The following SPAG16 variants were observed in gnomAD, a reference collection of about 807,000 sequenced individuals.
The protein encoded by SPAG16 is sperm-associated antigen 16 protein.
A neutral mutation model predicts 80.4 loss-of-function variants in SPAG16; 86 were observed. The ratio of observed to expected loss-of-function variants is 1.07; its 90% CI spans 0.90 to 1.28. The LOEUF is 1.28. Among genes scored for constraint, SPAG16 ranks in the 50% most tolerant of loss-of-function variants. SPAG16 has a pLI of 0.00. For synonymous variants in SPAG16, 294 were observed against 265.9 expected (o/e 1.11, Z -1.03); for missense variants, 870 against 765.3 (o/e 1.14, Z -1.61).
intron 10 of SPAG16, among the ~76,000 whole-genome samples, chr2:213,547,889 T>C (rs1319757508): frequency 6.6e-6 from 1 of 152,236 alleles, no homozygotes; most frequent in Non-Finnish European, 1.5e-5. Flanking sequence ...TCTAAAGTTC[T>C]TTCTAAATTG....
At chr2:214,070,676 T>C (rs940209003) in intron 13 of SPAG16, among the ~76,000 whole-genome samples, 9 of 152,068 alleles carry the variant, frequency 5.9e-5, no homozygotes, top group African/African-American at 1.9e-4. Flanking sequence ...TCTTTTGATA[T>C]ATCAATATAC....
In SPAG16 at chr2:213,352,438, TG is replaced by T. The variant is rs556895369; in HGVS notation, c.762+1796del. On this transcript the variant is annotated intron_variant, in intron 7 of 15. Transcript: ENST00000331683. ...ATCTCTTCCTATTTCCTATTCCAGA[TG>T]GGCCAAGCTTAAGCTTTTGCTACCC... Among the ~76,000 whole-genome samples the T allele has an allele frequency of 9.8e-5, 15 of 152,288 alleles. No homozygotes were observed. The South Asian group carries it at 3.1e-3, about 32-fold the overall frequency.
intron 10 of SPAG16, among the ~76,000 whole-genome samples, chr2:213,796,052 A>G (rs565739641): frequency 6.6e-6 from 1 of 152,318 alleles, no homozygotes; most frequent in East Asian, 1.9e-4. Flanking sequence ...TTTGGAGGAT[A>G]CGATATATCT....
intron 15 of SPAG16, among the ~76,000 whole-genome samples, chr2:214,163,566 A>C (rs2056531996): frequency 1.5e-5 from 2 of 134,766 alleles, no homozygotes; most frequent in African/African-American, 4.9e-5. Context: ...GTCTGTGTAT[A>C]TGTGTGTGTG....
At chr2:214,222,110 CTT>C (rs10694178) in intron 15 of SPAG16, among the ~76,000 whole-genome samples, 575 of 103,578 alleles carry the variant, frequency 5.6e-3, no homozygotes, top group African/African-American at 0.018. Context: ...CCTTGCTATT[CTT>C]TTTTTTTTTT....
chr2:213,596,554 T>C (rs551373136), intron 10 of SPAG16, among the ~76,000 whole-genome samples: 4 of 152,276 alleles, frequency 2.6e-5, no homozygotes, highest in South Asian at 4.1e-4. Context: ...AAACAAATTT[T>C]CAAATAAAAA....
At chr2:214,368,195 G>A (rs191509496) in intron 15 of SPAG16, among the ~76,000 whole-genome samples, 1 of 152,146 alleles carries the variant, frequency 6.6e-6, no homozygotes, top group East Asian at 1.9e-4. Flanking sequence ...CATCGCACTA[G>A]TTATATGTTT....
intron 11 of SPAG16, among the ~76,000 whole-genome samples, chr2:213,895,372 C>T (rs1206585678): frequency 6.6e-6 from 1 of 151,878 alleles, no homozygotes; most frequent in Non-Finnish European, 1.5e-5. Flanking sequence ...TCAATGCAAT[C>T]CCTATCAAAA....
chr2:213,988,080 T>A (rs2046106278), intron 12 of SPAG16, among the ~76,000 whole-genome samples: 1 of 151,940 alleles, frequency 6.6e-6, no homozygotes, highest in Non-Finnish European at 1.5e-5. Flanking sequence ...TACTGTAAGA[T>A]AGATAAATAA....
At chr2:213,986,223 C>T (rs1423317412) in intron 12 of SPAG16, among the ~76,000 whole-genome samples, 2 of 151,936 alleles carry the variant, frequency 1.3e-5, no homozygotes. Context: ...GCCCAGCGTC[C>T]AGGAAGGCAT....
chr2:213,692,810 G>GAA (rs747223234), intron 10 of SPAG16, among the ~76,000 whole-genome samples: 7 of 86,192 alleles, frequency 8.1e-5, no homozygotes, highest in South Asian at 3.6e-4. Context: ...ACTCGGTCTC[G>GAA]AAAAAAAAAA....
Position 214,410,204 on chromosome 2 carries a change from G to T in SPAG16, c.1785G>T (p.Glu595Asp). The part of the protein sequence containing the change: ...VIHLLDLKSG[E>D]IHKLMGHENE... ...ATTTGCTAGATCTTAAATCTGGGGA[G>T]ATTCACAAATTGATGGGCCACGAAA... The change falls in exon 16 of 16, where the codon GAG becomes GAT. Residue 595 changes from glutamate to aspartate, a missense_variant. Physicochemically the swap from Glu to Asp is conservative, Grantham distance 45. Coordinates refer to ENST00000331683, the MANE Select transcript of SPAG16 (RefSeq NM_024532.5). 2.5e-6 allele frequency: 4 copies of T among 1,613,672 alleles called. No individual in the cohort carries two copies. The highest frequency in any genetic ancestry group is 3.4e-6 in the Non-Finnish European group (4 of 1,179,622).
chr2:214,274,989 A>G (rs531342560), intron 15 of SPAG16, among the ~76,000 whole-genome samples: 3 of 152,248 alleles, frequency 2.0e-5, no homozygotes, highest in South Asian at 4.1e-4. Context: ...TGATTGGTGT[A>G]TTCAGAGATT....
At chr2:214,364,044 A>G (rs930271586) in intron 15 of SPAG16, among the ~76,000 whole-genome samples, 2 of 152,042 alleles carry the variant, frequency 1.3e-5, no homozygotes, top group Admixed American at 6.6e-5. Flanking sequence ...AATTTGACTA[A>G]TGGGTTCACC....
intron 10 of SPAG16, among the ~76,000 whole-genome samples, chr2:213,813,496 C>G (rs2072309534): frequency 6.6e-6 from 1 of 152,080 alleles, no homozygotes; most frequent in Non-Finnish European, 1.5e-5. Flanking sequence ...ACATGCTTGT[C>G]ACACCCACCT....
At chr2:213,704,121 AAGAC>A (rs1306629306) in intron 10 of SPAG16, among the ~76,000 whole-genome samples, 1 of 152,190 alleles carries the variant, frequency 6.6e-6, no homozygotes, top group African/African-American at 2.4e-5. Flanking sequence ...TATCATCAGA[AAGAC>A]AATCATGCAC....
intron 12 of SPAG16, among the ~76,000 whole-genome samples, chr2:213,955,410 A>G (rs960441115): frequency 2.6e-5 from 4 of 152,160 alleles, no homozygotes; most frequent in Admixed American, 6.5e-5. Context: ...CACTTGTTCA[A>G]ACTTTAGTTG....
At chr2:214,311,320 G>A (rs1559202988) in intron 15 of SPAG16, among the ~76,000 whole-genome samples, 2 of 152,150 alleles carry the variant, frequency 1.3e-5, no homozygotes, top group African/African-American at 4.8e-5. Flanking sequence ...GGTTCCCTGG[G>A]TAGGTTAATG....
chr2:213,534,762 T>C (rs917823922), intron 10 of SPAG16, among the ~76,000 whole-genome samples: 2 of 152,108 alleles, frequency 1.3e-5, no homozygotes, highest in African/African-American at 4.8e-5. Flanking sequence ...GACACATTTA[T>C]TTGTCACAAA....
Sources: allele counts gnomAD v4.1 joint callset (sites outside exome capture counted in the v4.1 genomes callset), GRCh38; gene constraint gnomAD v4.1.1; transcripts MANE v1.5; gene names NCBI Gene and HGNC (gene_info 2026-07-23, HGNC 2026-07-21).